Variants in NLRP2 observed in about 807,000 individuals in gnomAD.
NLRP2 encodes the protein NLR family pyrin domain containing 2.
A neutral mutation model predicts 97.2 loss-of-function variants in NLRP2; 107 were observed. That is an observed-to-expected ratio of 1.10 (90% confidence interval 0.94 to 1.29). The LOEUF (loss-of-function observed/expected upper bound fraction) is 1.29, where lower values mean the gene tolerates loss of function less well. Ranked by LOEUF, NLRP2 falls within the 50% of genes most tolerant of loss-of-function variation. The probability of loss-of-function intolerance (pLI) is 0.00; values close to 1 mark genes in which losing one functional copy is unlikely to be tolerated. For missense variants in NLRP2, 1,495 were observed against 1,330.3 expected (o/e 1.12, Z -1.93); for synonymous variants, 663 against 551.5 (o/e 1.20, Z -2.83).
chr19:54,999,684 G>GA (rs935351331), intron 12 of NLRP2, among the ~76,000 whole-genome samples: 1 of 151,812 alleles, frequency 6.6e-6, no homozygotes, highest in Non-Finnish European at 1.5e-5. Flanking sequence ...TAAGAGGAAT[G>GA]AAAAAAAGGA....
Position 54,977,754 on chromosome 19 carries a change from A to G in NLRP2, c.328A>G (p.Ile110Val). The change falls in exon 4 of 13, where the codon ATA becomes GTA. Residue 110 changes from isoleucine to valine, a missense_variant and splice_region_variant. Transcript: ENST00000448584. ...FNKRKPLSLG[I>V]TRKERPPLDV... ...GTAATGCCGCCCTTTTTCTCCAGGG[A>G]TAACACGGAAAGAACGACCACCTCT... is the stretch of plus-strand genomic sequence containing the variant. 6.2e-7 allele frequency: 1 copy of G among 1,613,778 alleles called. No homozygotes were observed. Among genetic ancestry groups the G allele is most frequent in the Non-Finnish European group, 8.5e-7 (1 of 1,180,000 alleles).
chr19:54,987,594 T>C (rs943037790), intron 8 of NLRP2, among the ~76,000 whole-genome samples: 6 of 151,872 alleles, frequency 4.0e-5, no homozygotes, highest in African/African-American at 1.5e-4. Context: ...ATACAAAAAT[T>C]AGCTGGGCAT....
chr19:55,000,911 C>A lies in NLRP2; in HGVS notation c.*13C>A, dbSNP rs149685367. On this transcript the variant is annotated 3_prime_UTR_variant, in exon 13 of 13. Transcript: ENST00000448584. The stretch of plus-strand genomic sequence containing the variant: ...CTTCATGATCTGAATCCCCCCGAGT[C>A]ATTCATTCTCCATGAAGTCATCGAT... 1,047 of 1,613,118 alleles carry A rather than the reference C, an allele frequency of 6.5e-4. 4 individuals are homozygous for A. Among genetic ancestry groups the A allele is most frequent in the Middle Eastern group, 5.1e-3 (31 of 6,060 alleles).
chr19:54,974,550 T>C lies in NLRP2; in HGVS notation c.325+6T>C. 6.4e-7 allele frequency: 1 copy of C among 1,564,262 alleles called. No individual in the cohort carries two copies. The highest frequency in any genetic ancestry group is 1.1e-5 in the South Asian group (1 of 90,028). ...AAGGAAGCCTCTATCATTAGGTAAG[T>C]TACCTCATTTATAACTTTTATTCTT... On this transcript the variant is annotated splice_donor_region_variant and intron_variant, in intron 3 of 12. Coordinates refer to ENST00000448584, the MANE Select transcript of NLRP2 (RefSeq NM_017852.5).
At chr19:54,993,390 A>G (rs1490330130) in intron 10 of NLRP2, 2 of 152,146 alleles carry the variant, frequency 1.3e-5, no homozygotes, top group Non-Finnish European at 2.9e-5. Context: ...ATACATGGGC[A>G]TTATAGTTCA....
Position 54,990,121 on chromosome 19 carries a change from G to A in NLRP2, c.2466G>A (p.Glu822=). The change falls in exon 9 of 13, where the codon GAG becomes GAA. Residue 822 remains glutamate, a synonymous_variant. Transcript: ENST00000448584. ...SLTCVNLSDN[E]LLDEGAKLLY... ...CGTGCGTAAACCTCTCCGACAATGA[G>A]CTTCTGGATGAGGGTGCTAAGTTGC... 1 of 1,614,126 alleles carries A rather than the reference G, an allele frequency of 6.2e-7. No individual in the cohort carries two copies. The highest frequency in any genetic ancestry group is 1.1e-5 in the South Asian group (1 of 91,080).
intron 12 of NLRP2, among the ~76,000 whole-genome samples, chr19:54,998,652 T>TTTTTTA: frequency 9.1e-6 from 1 of 110,320 alleles, no homozygotes; most frequent in South Asian, 2.8e-4. Context: ...TTTTTTTTTT[T>TTTTTTA]ATTGATCATT....
At chr19:54,993,977 C>T (rs961207542) in intron 10 of NLRP2, 4 of 515,650 alleles carry the variant, frequency 7.8e-6, no homozygotes, top group South Asian at 4.2e-5. Flanking sequence ...TCAGCTCCCT[C>T]TTATGAGGAT....
intron 12 of NLRP2, among the ~76,000 whole-genome samples, chr19:54,997,944 C>T (rs1459620872): frequency 6.6e-6 from 1 of 151,742 alleles, no homozygotes; most frequent in Admixed American, 6.6e-5. Flanking sequence ...TCTACCTGCT[C>T]ATGATAGCCA....
At position 54,975,106 on chromosome 19, in the gene NLRP2, G is replaced by GTTTTTTTTTTT. The variant is rs558518586; in HGVS notation, c.325+589_325+599dup. ...ATGAGCCACCACCACACCCGGTTTT[G>GTTTTTTTTTTT]TTTTTTTTTTTTTTTTTTTTTTTTT... On this transcript the variant is annotated intron_variant, in intron 3 of 12. Coordinates refer to ENST00000448584, the MANE Select transcript of NLRP2 (RefSeq NM_017852.5). Among the ~76,000 whole-genome samples, 271 of 58,698 alleles carry GTTTTTTTTTTT rather than the reference G, an allele frequency of 4.6e-3. 43 individuals carry two copies. Among genetic ancestry groups the GTTTTTTTTTTT allele is most frequent in the Non-Finnish European group, 6.4e-3 (186 of 28,944 alleles). 38.5% of individuals were successfully genotyped at this position (58,698 alleles called of 152,430 possible). A position where few individuals can be genotyped will look rare whatever the true frequency, so the allele number is the denominator to read the frequency against.
In NLRP2 at chr19:54,982,701, A is replaced by G; in HGVS notation, c.1003A>G (p.Thr335Ala). ...VMLPKAALLV[T>A]TRPRALRDLR... ...GTTACCCAAGGCCGCCCTGCTGGTCACCACGCGGCCCAGGGCCCTGAGGGA... is the reference window on the plus strand; with the variant it reads ...GTTACCCAAGGCCGCCCTGCTGGTCGCCACGCGGCCCAGGGCCCTGAGGGA... The change falls in exon 6 of 13, where the codon ACC (threonine) becomes GCC (alanine). Residue 335 changes from threonine (T) to alanine (A), a missense_variant. Coordinates refer to ENST00000448584, the MANE Select transcript of NLRP2 (RefSeq NM_017852.5). The G allele has an allele frequency of 6.2e-7, 1 of 1,614,020 alleles. No homozygotes were observed.
chr19:54,994,618 G>T (rs929330616), intron 11 of NLRP2, among the ~76,000 whole-genome samples, 179 bp downstream of exon 11: 15 of 145,950 alleles, frequency 1.0e-4, no homozygotes, highest in South Asian at 2.2e-4. Flanking sequence ...CTAAGTTTTT[G>T]TTTTTTTTTT....
At chr19:54,984,059 C>T (rs2071853995) in intron 6 of NLRP2, among the ~76,000 whole-genome samples, 1 of 152,068 alleles carries the variant, frequency 6.6e-6, no homozygotes, top group Non-Finnish European at 1.5e-5. Flanking sequence ...GCATGTTGGC[C>T]AGTCTGGTCT....
At chr19:54,995,378 G>C (rs150126890) in intron 11 of NLRP2, among the ~76,000 whole-genome samples, 69 of 151,364 alleles carry the variant, frequency 4.6e-4, no homozygotes, top group Middle Eastern at 6.8e-3. Context: ...TTTTAGTATA[G>C]ACGGGGTTTC....
At chr19:54,998,841 G>C (rs1366898140) in intron 12 of NLRP2, among the ~76,000 whole-genome samples, 2 of 150,724 alleles carry the variant, frequency 1.3e-5, no homozygotes, top group Non-Finnish European at 3.0e-5. Context: ...GACTCTTAAC[G>C]AGCGTGCTGC....
At chr19:54,986,094 T>C (rs79383126) in intron 7 of NLRP2, 57 bp from the exon 8 acceptor site, 19,914 of 1,172,748 alleles carry the variant, frequency 0.017, 239 homozygotes, top group Non-Finnish European at 0.021. Context: ...TGGTTTCCAT[T>C]TAAGTACGAT....
intron 10 of NLRP2, 131 bp downstream of exon 10, chr19:54,990,803 G>C: frequency 1.1e-6 from 1 of 899,224 alleles, no homozygotes; most frequent in Non-Finnish European, 1.8e-6. Context: ...ATGACAACTG[G>C]TAAGACCTGG....
At chr19:54,984,763 G>A (rs778161515) in intron 6 of NLRP2, among the ~76,000 whole-genome samples, 1 of 151,986 alleles carries the variant, frequency 6.6e-6, no homozygotes, top group Non-Finnish European at 1.5e-5. Flanking sequence ...GATTATAGGC[G>A]TGAGTCACCG....
intron 4 of NLRP2, 93 bp from the exon 5 acceptor site, chr19:54,981,524 C>CCCCCCCCCCCCCCCT: frequency 2.2e-6 from 1 of 450,130 alleles, no homozygotes; most frequent in Non-Finnish European, 4.5e-6. Context: ...CCCTCCCCCC[C>CCCCCCCCCCCCCCCT]GCCCCATCAG....
Sources: allele counts gnomAD v4.1 joint callset (sites outside exome capture counted in the v4.1 genomes callset), GRCh38; gene constraint gnomAD v4.1.1; transcripts MANE v1.5; gene names NCBI Gene and HGNC (gene_info 2026-07-23, HGNC 2026-07-21).